Variants in KCNQ3 observed in about 807,000 individuals in gnomAD.
KCNQ3 encodes potassium voltage-gated channel subfamily Q member 3.
In KCNQ3, 30 loss-of-function variants were observed where a neutral mutation model predicts 92.5. The ratio of observed to expected loss-of-function variants is 0.32; its 90% CI spans 0.24 to 0.44. The LOEUF is 0.44. Ranked by LOEUF, KCNQ3 falls within the 20% of genes least tolerant of loss-of-function variation. The pLI, the probability that KCNQ3 is intolerant of heterozygous loss-of-function variation, is 1.00. For synonymous variants in KCNQ3, 450 were observed against 468.8 expected (o/e 0.96, Z 0.52); for missense variants, 913 against 1,140.3 (o/e 0.80, Z 2.87).
At chr8:132,400,497 T>G (rs917055641) in intron 1 of KCNQ3, among the ~76,000 whole-genome samples, 7 of 152,198 alleles carry the variant, frequency 4.6e-5, no homozygotes, top group African/African-American at 1.7e-4. Flanking sequence ...TGTCTATGGC[T>G]GATCAGCAAG....
intron 1 of KCNQ3, among the ~76,000 whole-genome samples, chr8:132,416,517 G>A (rs1006543592): frequency 2.0e-5 from 3 of 152,156 alleles, no homozygotes; most frequent in Non-Finnish European, 4.4e-5. Context: ...CTACTCAGGA[G>A]GCTGAGGCAG....
chr8:132,358,801 C>T (rs1819084748), intron 1 of KCNQ3, among the ~76,000 whole-genome samples: 2 of 152,284 alleles, frequency 1.3e-5, no homozygotes, highest in East Asian at 3.9e-4. Flanking sequence ...TACACTGTCG[C>T]TGAATAAGGA....
intron 1 of KCNQ3, among the ~76,000 whole-genome samples, chr8:132,201,036 G>A (rs1189372346): frequency 6.6e-6 from 1 of 152,208 alleles, no homozygotes; most frequent in Non-Finnish European, 1.5e-5. Context: ...CACATAGCTA[G>A]AGAGCAGGTG....
intron 1 of KCNQ3, among the ~76,000 whole-genome samples, chr8:132,409,956 A>T (rs1820605619): frequency 6.6e-6 from 1 of 152,184 alleles, no homozygotes; most frequent in Non-Finnish European, 1.5e-5. Flanking sequence ...TTGCCTGTCA[A>T]ATCTTATTTT....
intron 1 of KCNQ3, among the ~76,000 whole-genome samples, chr8:132,308,604 A>G (rs758211678): frequency 6.6e-6 from 1 of 152,176 alleles, no homozygotes; most frequent in Non-Finnish European, 1.5e-5. Flanking sequence ...CAATGGCTGC[A>G]TGCGTTTGTT....
chr8:132,309,526 C>T (rs553220033), intron 1 of KCNQ3, among the ~76,000 whole-genome samples: 18 of 152,290 alleles, frequency 1.2e-4, no homozygotes, highest in South Asian at 4.1e-4. Flanking sequence ...CTTTCAGGAC[C>T]GGCACCCCAA....
At position 132,129,805 on chromosome 8, in the gene KCNQ3, G is replaced by A. The variant is rs765395005; in HGVS notation, c.2076C>T (p.Pro692=). 5 of 1,614,194 alleles carry A rather than the reference G, an allele frequency of 3.1e-6. No individual in the cohort carries two copies. Among genetic ancestry groups the A allele is most frequent in the East Asian group, 2.2e-5 (1 of 44,862 alleles). Residue 692 remains proline, a synonymous_variant, in exon 15 of 15, where the codon CCC becomes CCT. Transcript: ENST00000388996. The surrounding 1 kb of genome is among the most constrained non-coding windows in gnomAD (Gnocchi z 5.9). ...GGTGGAAGCTGTAGGGTGGTTCCGG[G>A]GGGCCTGTCTCAGAATAGTTGCAGA... ...TIICNYSETG[P]PEPPYSFHQV... is the part of the protein sequence containing the mutation.
chr8:132,399,693 A>G (rs576900603), intron 1 of KCNQ3, among the ~76,000 whole-genome samples: 4 of 152,294 alleles, frequency 2.6e-5, no homozygotes, highest in African/African-American at 7.2e-5. Flanking sequence ...ACGCTCACAC[A>G]TATGTCTGTG....
intron 7 of KCNQ3, among the ~76,000 whole-genome samples, chr8:132,171,816 G>A (rs1039518683): frequency 6.6e-6 from 1 of 152,018 alleles, no homozygotes; most frequent in African/African-American, 2.4e-5. Flanking sequence ...AAAGCCTAGT[G>A]CAGCCCCAGG....
intron 8 of KCNQ3, among the ~76,000 whole-genome samples, chr8:132,167,245 G>A (rs1826170034): frequency 6.6e-6 from 1 of 152,198 alleles, no homozygotes; most frequent in East Asian, 1.9e-4. Context: ...AAGACAGAAA[G>A]TAGATAGTGA....
chr8:132,137,843 G>A lies in KCNQ3; in HGVS notation c.1700+42C>T, dbSNP rs771896368. On this transcript the variant is annotated intron_variant, in intron 12 of 14. Transcript: ENST00000388996. The stretch of plus-strand genomic sequence containing the variant: ...CACCTTAAACTCTAAGGTTCATAGG[G>A]CTTTGAGGGGAGCGCAGTCCCTCCA... 50 of 1,610,074 alleles carry A rather than the reference G, an allele frequency of 3.1e-5. No homozygotes were observed. In the Admixed American group the frequency reaches 7.2e-4, roughly 23 times the overall value.
intron 8 of KCNQ3, among the ~76,000 whole-genome samples, chr8:132,163,736 T>C (rs2130079007): frequency 6.6e-6 from 1 of 152,324 alleles, no homozygotes; most frequent in South Asian, 2.1e-4. Flanking sequence ...CATTCATTCA[T>C]TTATTCATCC....
intron 1 of KCNQ3, among the ~76,000 whole-genome samples, chr8:132,194,608 A>G (rs1179270260): frequency 6.6e-6 from 1 of 152,214 alleles, no homozygotes; most frequent in Non-Finnish European, 1.5e-5. Context: ...TTGATTCGTG[A>G]TGTCTGTCAC....
intron 1 of KCNQ3, among the ~76,000 whole-genome samples, chr8:132,416,802 G>C (rs12548732): frequency 6.6e-6 from 1 of 151,984 alleles, no homozygotes; most frequent in Non-Finnish European, 1.5e-5. Flanking sequence ...AGGTGAGCTC[G>C]GAAGGCTGCA....
intron 1 of KCNQ3, among the ~76,000 whole-genome samples, chr8:132,281,720 C>A (rs1816525475): frequency 6.6e-6 from 1 of 151,530 alleles, no homozygotes; most frequent in African/African-American, 2.4e-5. Context: ...ACCCCAACCA[C>A]CACCATGTTT....
At chr8:132,237,543 C>T (rs993185247) in intron 1 of KCNQ3, among the ~76,000 whole-genome samples, 2 of 152,172 alleles carry the variant, frequency 1.3e-5, no homozygotes, top group African/African-American at 4.8e-5. Flanking sequence ...AGCCAGTGCA[C>T]AGCAACCCAC....
At chr8:132,284,838 A>T (rs1816631528) in intron 1 of KCNQ3, among the ~76,000 whole-genome samples, 1 of 152,202 alleles carries the variant, frequency 6.6e-6, no homozygotes, top group African/African-American at 2.4e-5. Context: ...TCTTTCTCAT[A>T]AGACTAAATT....
intron 1 of KCNQ3, among the ~76,000 whole-genome samples, chr8:132,424,053 C>T (rs1366514850): frequency 6.6e-6 from 1 of 152,196 alleles, no homozygotes; most frequent in Non-Finnish European, 1.5e-5. Flanking sequence ...AAGCTTGATA[C>T]TCTTCTTCCC....
chr8:132,351,825 C>G (rs1818876433), intron 1 of KCNQ3, among the ~76,000 whole-genome samples: 1 of 152,220 alleles, frequency 6.6e-6, no homozygotes, highest in Non-Finnish European at 1.5e-5. Flanking sequence ...AAGACAATCA[C>G]TTTGGGTTCC....
Sources: allele counts gnomAD v4.1 joint callset (sites outside exome capture counted in the v4.1 genomes callset), GRCh38; gene constraint gnomAD v4.1.1; non-coding constraint Gnocchi (gnomAD v3.1); transcripts MANE v1.5; gene names NCBI Gene and HGNC (gene_info 2026-07-23, HGNC 2026-07-21).